Variants in PCDH8 observed in about 807,000 individuals in gnomAD.
PCDH8 encodes protocadherin-8.
A neutral mutation model predicts 58.2 loss-of-function variants in PCDH8; 36 were observed. The observed-to-expected ratio is 0.62, with a 90% CI of 0.47 to 0.82. The LOEUF (loss-of-function observed/expected upper bound fraction) is 0.82. Ranked by LOEUF, PCDH8 falls within the 40% of genes least tolerant of loss-of-function variation. PCDH8 has a pLI of 0.00. For missense variants in PCDH8, 1,493 were observed against 1,567.8 expected, an observed-to-expected ratio of 0.95 and a Z score of 0.81; for synonymous variants, 775 against 728.9, an observed-to-expected ratio of 1.06 and a Z score of -1.02.
At position 52,844,904 on chromosome 13, in the gene PCDH8, T is replaced by C. The variant is rs764878292; in HGVS notation, c.2869A>G (p.Ile957Val). 7 of 1,546,236 alleles carry C rather than the reference T, an allele frequency of 4.5e-6. No individual in the cohort carries two copies. In the Admixed American group the frequency reaches 1.4e-4, roughly 30 times the overall value. The change falls in exon 3 of 3, where the codon ATC becomes GTC. Residue 957 changes from isoleucine (I) to valine (V), a missense_variant. By Grantham distance (29) the Ile-to-Val change is conservative (BLOSUM62 3). Coordinates refer to ENST00000377942, the MANE Select transcript of PCDH8 (RefSeq NM_002590.4). Reference protein sequence around the residue: ...GLWACTAECKILGHSDRCWSP... With the variant: ...GLWACTAECKVLGHSDRCWSP... ...CAGCAGCGGTCAGAGTGGCCCAGGA[T>C]CTTACACTCAGCGGTGCACGCCCAC... is the stretch of plus-strand genomic sequence containing the variant.
At position 52,843,359 on chromosome 13, in the gene PCDH8, T is replaced by A. The variant is rs1965688094; in HGVS notation, c.*1201A>T. On this transcript the variant is annotated 3_prime_UTR_variant, in exon 3 of 3. Transcript: ENST00000377942. ...CGATCTTGTTTCACATAGCTCCCTG[T>A]GTTTTTTTCTAGAACATTTTAAAGC... The A allele has an allele frequency of 6.6e-6, 1 of 152,226 alleles. No homozygotes were observed. Among genetic ancestry groups the A allele is most frequent in the Non-Finnish European group, 1.5e-5 (1 of 68,046 alleles). 9.4% of individuals were successfully genotyped at this position (152,226 alleles called of 1,614,324 possible).
chr13:52,846,736 G>A lies in PCDH8; in HGVS notation c.1701C>T (p.Phe567=), dbSNP rs1242553371. 1.9e-6 allele frequency: 3 copies of A among 1,590,636 alleles called. No homozygotes were observed. The highest frequency in any genetic ancestry group is 2.3e-5 in the East Asian group (1 of 44,252). ...ATGAIYALRS[F]DYETLRQLDV... ...CGAGTTGGCGCAGCGTCTCATAGTC[G>A]AAGCTGCGCAGCGCGTAGATGGCTC... The change falls in exon 1 of 3, where the codon TTC becomes TTT. Residue 567 remains phenylalanine (F), a synonymous_variant. Coordinates refer to ENST00000377942, the MANE Select transcript of PCDH8 (RefSeq NM_002590.4).
rs1965753377 is a variant in PCDH8 at position 52,847,150 on chromosome 13, G to A, written c.1287C>T (p.Cys429=). 4 of 1,524,522 alleles carry A rather than the reference G, an allele frequency of 2.6e-6. No homozygotes were observed. Among genetic ancestry groups the A allele is most frequent in the East Asian group, 5.2e-5 (2 of 38,430 alleles). The allele number at this position is 1,524,522 out of a possible 1,614,324, so 94.4% of individuals were successfully genotyped here. A position where few individuals can be genotyped will look rare whatever the true frequency, so the allele number is the denominator to read the frequency against. The change falls in exon 1 of 3, where the codon TGC becomes TGT. Residue 429 remains cysteine (C), a synonymous_variant. Transcript: ENST00000377942. Reference sequence around the variant, plus strand: ...GGAAGTGCTCGTGCCCATAGAGGGCGCAGCGCACTTGCCCGTTGGCGCCCG... The same window carrying A: ...GGAAGTGCTCGTGCCCATAGAGGGCACAGCGCACTTGCCCGTTGGCGCCCG... The part of the protein sequence containing the change: ...RDSGANGQVR[C]ALYGHEHFRL...
At position 52,846,438 on chromosome 13, in the gene PCDH8, G is replaced by A; in HGVS notation, c.1999C>T (p.Arg667Cys). The A allele has an allele frequency of 6.3e-7, 1 of 1,599,312 alleles. No individual in the cohort carries two copies. Among genetic ancestry groups the A allele is most frequent in the Non-Finnish European group, 8.5e-7 (1 of 1,179,286 alleles). Residue 667 changes from arginine to cysteine, a missense_variant, in exon 1 of 3, where the codon CGC becomes TGC. Coordinates refer to ENST00000377942, the MANE Select transcript of PCDH8 (RefSeq NM_002590.4). ...CCGGTGAGCAGTATCTCCCCCGTGC[G>A]GCGGCCGATGGCGAAGGCTTCGCGC... ...EPREAFAIGR[R>C]TGEILLTGDL...
At position 52,845,869 on chromosome 13, in the gene PCDH8, G is replaced by A; in HGVS notation, c.2568C>T (p.Ser856=). The change falls in exon 1 of 3, where the codon AGC becomes AGT. Residue 856 remains serine (S), a synonymous_variant. Coordinates refer to ENST00000377942, the MANE Select transcript of PCDH8 (RefSeq NM_002590.4). ...AAEVPGSEGG[S]ATGESACHFE... ...AGTGACAGGCGCTTTCCCCAGTGGC[G>A]CTGCCGCCCTCTGAGCCCGGCACTT... The A allele has an allele frequency of 1.3e-6, 2 of 1,508,816 alleles. No individual in the cohort carries two copies. Among genetic ancestry groups the A allele is most frequent in the Non-Finnish European group, 8.8e-7 (1 of 1,137,260 alleles). The allele number at this position is 1,508,816 out of a possible 1,614,324, so 93.5% of individuals were successfully genotyped here. A position where few individuals can be genotyped will look rare whatever the true frequency, so the allele number is the denominator to read the frequency against.
chr13:52,848,238 T>G lies in PCDH8; in HGVS notation c.199A>C (p.Lys67Gln). Reference protein sequence around the residue: ...VSGDTSFRLMKQFNSSLLRVR... With the variant: ...VSGDTSFRLMQQFNSSLLRVR... ...CGGAGCAGAGAGCTGTTGAATTGCT[T>G]CATCAGGCGGAAGCTTGTGTCACCC... The change falls in exon 1 of 3, where the codon AAG (lysine) becomes CAG (glutamine). Residue 67 changes from lysine (K) to glutamine (Q), a missense_variant. By Grantham distance (53) the Lys-to-Gln change is moderately conservative. Transcript: ENST00000377942. 1 of 1,613,642 alleles carries G rather than the reference T, an allele frequency of 6.2e-7. No individual in the cohort carries two copies. The highest frequency in any genetic ancestry group is 8.5e-7 in the Non-Finnish European group (1 of 1,179,992).
In PCDH8 at chr13:52,846,864, C is replaced by T; in HGVS notation, c.1573G>A (p.Asp525Asn). The change falls in exon 1 of 3, where the codon GAC becomes AAC. Residue 525 changes from aspartate (D) to asparagine (N), a missense_variant. Transcript: ENST00000377942. Reference sequence around the variant, plus strand: ...GTGACCTGGCCGTTGCGGCCCAGGTCCCGGTCGCGGGCGGCCACCGTGGCC... The same window carrying T: ...GTGACCTGGCCGTTGCGGCCCAGGTTCCGGTCGCGGGCGGCCACCGTGGCC... ...YLATVAARDR[D>N]LGRNGQVTYR... The T allele has an allele frequency of 1.3e-6, 2 of 1,549,924 alleles. No homozygotes were observed. Among genetic ancestry groups the T allele is most frequent in the Non-Finnish European group, 1.7e-6 (2 of 1,152,326 alleles).
chr13:52,847,009 CG>C lies in PCDH8; in HGVS notation c.1427del (p.Pro476ArgfsTer119). ...TLVAEDRGAPPLRTVRPYTVR... is the reference protein window; with the variant it reads ...TLVAEDRGAPXLRTVRPYTVR... ...CCGTGTAGGGCCGCACTGTGCGCAG[CG>C]GGGGCGCGCCGCGATCCTCGGCCAC... On this transcript the variant is annotated frameshift_variant, in exon 1 of 3. Transcript: ENST00000377942. LOFTEE classifies it high-confidence loss of function. 1.3e-6 allele frequency: 2 copies of C among 1,569,172 alleles called. No homozygotes were observed. The highest frequency in any genetic ancestry group is 1.7e-6 in the Non-Finnish European group (2 of 1,161,480).
In PCDH8 at chr13:52,847,875, G is replaced by C; in HGVS notation, c.562C>G (p.Arg188Gly). ...TCTGCGCACTGAGCGCCGTCCGCTC[G>C]CGTCTGCAGCTCCACGCGAAAGGGG... ...HSPFRVELQTRADGAQCADLV... is the reference protein window; with the variant it reads ...HSPFRVELQTGADGAQCADLV... The change falls in exon 1 of 3, where the codon CGA becomes GGA. Residue 188 changes from arginine (R) to glycine (G), a missense_variant. Physicochemically the swap from Arg to Gly is moderately radical, Grantham distance 125. This residue lies in a region of PCDH8 where 1,307 missense variants were observed against 1,362.7 expected (regional missense o/e 0.96). Coordinates refer to ENST00000377942, the MANE Select transcript of PCDH8 (RefSeq NM_002590.4). 1 of 1,531,006 alleles carries C rather than the reference G, an allele frequency of 6.5e-7. No individual in the cohort carries two copies. Among genetic ancestry groups the C allele is most frequent in the Non-Finnish European group, 8.7e-7 (1 of 1,144,434 alleles). 94.8% of individuals were successfully genotyped at this position (1,531,006 alleles called of 1,614,324 possible). A position where few individuals can be genotyped will look rare whatever the true frequency, so the allele number is the denominator to read the frequency against.
rs972383486 is a variant in PCDH8 at position 52,848,623 on chromosome 13, C to T, written c.-187G>A. On this transcript the variant is annotated 5_prime_UTR_variant, in exon 1 of 3. Coordinates refer to ENST00000377942, the MANE Select transcript of PCDH8 (RefSeq NM_002590.4). ...GGACCCGCCCTCACTCTGCGCCTCT[C>T]CGTCTCTTACAGAAGCTGCGCCGCC... 393 of 1,176,948 alleles carry T rather than the reference C, an allele frequency of 3.3e-4. 1 individual carries two copies. Among genetic ancestry groups the T allele is most frequent in the Non-Finnish European group, 4.2e-4 (375 of 883,390 alleles). The allele number at this position is 1,176,948 out of a possible 1,614,324, so 72.9% of individuals were successfully genotyped here.
rs773756391 is a variant in PCDH8 at position 52,847,517 on chromosome 13, G to A, written c.920C>T (p.Thr307Ile). 34 of 1,584,766 alleles carry A rather than the reference G, an allele frequency of 2.1e-5. No individual in the cohort carries two copies. The highest frequency in any genetic ancestry group is 4.3e-6 in the Non-Finnish European group (5 of 1,172,178). Residue 307 changes from threonine (T) to isoleucine (I), a missense_variant, in exon 1 of 3, where the codon ACC (threonine) becomes ATC (isoleucine). Around this residue, in one of 3 missense-constraint regions of PCDH8, gnomAD observed 1,307 missense variants for 1,362.7 expected, o/e 0.96. Coordinates refer to ENST00000377942, the MANE Select transcript of PCDH8 (RefSeq NM_002590.4). ...CTCGTAGTCCACGGGCCCGGCCAGG[G>A]TGAGGCGGCCTGATCGCGGGTCAAG... is the stretch of plus-strand genomic sequence containing the variant. ...FRLDPRSGRL[T>I]LAGPVDYERQ...
chr13:52,847,866 C>G lies in PCDH8; in HGVS notation c.571G>C (p.Gly191Arg). 2 of 1,516,294 alleles carry G rather than the reference C, an allele frequency of 1.3e-6. No individual in the cohort carries two copies. Among genetic ancestry groups the G allele is most frequent in the South Asian group, 2.5e-5 (2 of 78,986 alleles). 93.9% of individuals were successfully genotyped at this position (1,516,294 alleles called of 1,614,324 possible). The part of the protein sequence containing the change: ...FRVELQTRAD[G>R]AQCADLVLLQ... ...AGCACCAGGTCTGCGCACTGAGCGC[C>G]GTCCGCTCGCGTCTGCAGCTCCACG... Residue 191 changes from glycine to arginine, a missense_variant, in exon 1 of 3, where the codon GGC becomes CGC. Coordinates refer to ENST00000377942, the MANE Select transcript of PCDH8 (RefSeq NM_002590.4).
rs769708832 is a variant in PCDH8 at position 52,847,017 on chromosome 13, C to A, written c.1420G>T (p.Ala474Ser). ...GGCCGCACTGTGCGCAGCGGGGGCGCGCCGCGATCCTCGGCCACCAGCGTC... is the reference window on the plus strand; with the variant it reads ...GGCCGCACTGTGCGCAGCGGGGGCGAGCCGCGATCCTCGGCCACCAGCGTC... Reference protein sequence around the residue: ...NLTLVAEDRGAPPLRTVRPYT... With the variant: ...NLTLVAEDRGSPPLRTVRPYT... The change falls in exon 1 of 3, where the codon GCG becomes TCG. Residue 474 changes from alanine to serine, a missense_variant. Coordinates refer to ENST00000377942, the MANE Select transcript of PCDH8 (RefSeq NM_002590.4). The A allele has an allele frequency of 6.4e-7, 1 of 1,563,694 alleles. No individual in the cohort carries two copies. Among genetic ancestry groups the A allele is most frequent in the Non-Finnish European group, 8.6e-7 (1 of 1,158,052 alleles).
At position 52,846,145 on chromosome 13, in the gene PCDH8, C is replaced by T. The variant is rs756031551; in HGVS notation, c.2292G>A (p.Leu764=). 6.3e-7 allele frequency: 1 copy of T among 1,584,422 alleles called. No homozygotes were observed. Among genetic ancestry groups the T allele is most frequent in the Non-Finnish European group, 8.5e-7 (1 of 1,173,114 alleles). The part of the protein sequence containing the change: ...IVLAGSCTLL[L]AAIIAIATTC... ...TGGTGGCGATGGCGATGATGGCGGCCAGCAGCAGCGTGCAGCTCCCGGCCA... is the reference window on the plus strand; with the variant it reads ...TGGTGGCGATGGCGATGATGGCGGCTAGCAGCAGCGTGCAGCTCCCGGCCA... The change falls in exon 1 of 3, where the codon CTG becomes CTA. Residue 764 remains leucine, a synonymous_variant. Transcript: ENST00000377942.
Position 52,846,030 on chromosome 13 carries a change from C to T in PCDH8, c.2407G>A (p.Gly803Ser), listed in dbSNP as rs531179041. The T allele has an allele frequency of 1.3e-5, 19 of 1,486,860 alleles. No homozygotes were observed. The highest frequency in any genetic ancestry group is 4.4e-4 in the Middle Eastern group (2 of 4,520). The allele number at this position is 1,486,860 out of a possible 1,614,324, so 92.1% of individuals were successfully genotyped here. Residue 803 changes from glycine (G) to serine (S), a missense_variant, in exon 1 of 3, where the codon GGC (glycine) becomes AGC (serine). Physicochemically the swap from Gly to Ser is moderately conservative, Grantham distance 56 (BLOSUM62 0). Transcript: ENST00000377942. ...CCCCGGGCGGCCTCCTCCGGGGAGC[C>T]GGGAGCCGAGGCTCCGCCGCCCGCC... is the stretch of plus-strand genomic sequence containing the variant. Reference protein sequence around the residue: ...GAAGGGASAPGSPEEAARGAG... With the variant: ...GAAGGGASAPSSPEEAARGAG...
At chr13:52,844,964 A>C (rs1965707512) in intron 2 of PCDH8, 31 bp from the exon 3 acceptor site, 2 of 1,511,012 alleles carry the variant, frequency 1.3e-6, no homozygotes, top group African/African-American at 1.4e-5. Context: ...AAACAGCATG[A>C]CGATTATTCC....
chr13:52,845,770 CTCGGAG>C (rs1246445048), intron 1 of PCDH8, 30 bp downstream of exon 1: 8 of 1,498,878 alleles, frequency 5.3e-6, no homozygotes, highest in Non-Finnish European at 7.1e-6. Flanking sequence ...GTCCGCGGAG[CTCGGAG>C]GGGGGCGCCC....
chr13:52,847,748 G>A lies in PCDH8; in HGVS notation c.689C>T (p.Ala230Val), dbSNP rs771500105. The stretch of plus-strand genomic sequence containing the variant: ...CGCATCCAGGACGCGCACGCTGAGG[G>A]CAGCCGTGGCGGAGCGCGGCGGGCG... Reference protein sequence around the residue: ...GGRPPRSATAALSVRVLDAND... With the variant: ...GGRPPRSATAVLSVRVLDAND... Residue 230 changes from alanine (A) to valine (V), a missense_variant, in exon 1 of 3, where the codon GCC (alanine) becomes GTC (valine). Ala to Val is a moderately conservative substitution (Grantham distance 64). This residue lies in a region of PCDH8 where 1,307 missense variants were observed against 1,362.7 expected (regional missense o/e 0.96). Coordinates refer to ENST00000377942, the MANE Select transcript of PCDH8 (RefSeq NM_002590.4). The A allele has an allele frequency of 3.4e-6, 5 of 1,480,180 alleles. No homozygotes were observed. The highest frequency in any genetic ancestry group is 4.4e-6 in the Non-Finnish European group (5 of 1,124,388). The allele number at this position is 1,480,180 out of a possible 1,614,324, so 91.7% of individuals were successfully genotyped here.
At chr13:52,845,282 C>T in intron 2 of PCDH8, 143 bp downstream of exon 2, 1 of 780,876 alleles carries the variant, frequency 1.3e-6, no homozygotes, top group Non-Finnish European at 2.1e-6. Context: ...CCGTGTGAGG[C>T]AGGCCCGTAT....
Sources: allele counts gnomAD v4.1 joint callset, GRCh38; gene constraint gnomAD v4.1.1; regional missense constraint gnomAD v4.1.1; transcripts MANE v1.5; gene names NCBI Gene and HGNC (gene_info 2026-07-23, HGNC 2026-07-21).